The following TWNK variants were observed in gnomAD, a reference collection of about 807,000 sequenced individuals.
The protein encoded by TWNK is twinkle mtDNA helicase.
A neutral mutation model predicts 58.2 loss-of-function variants in TWNK; 36 were observed. The ratio of observed to expected loss-of-function variants is 0.62; its 90% confidence interval spans 0.47 to 0.82. The LOEUF (loss-of-function observed/expected upper bound fraction) is 0.82. Ranked by LOEUF, TWNK falls within the 40% of genes least tolerant of loss-of-function variation. The pLI, the probability that TWNK is intolerant of heterozygous loss-of-function variation, is 0.00. For missense variants in TWNK, 714 were observed against 881.0 expected, an observed-to-expected ratio of 0.81 and a Z score of 2.40; for synonymous variants, 349 against 348.5, an observed-to-expected ratio of 1.00 and a Z score of -0.02.
At position 100,988,590 on chromosome 10, in the gene TWNK, C is replaced by T. The variant is rs1327106595; in HGVS notation, c.380C>T (p.Ala127Val). The T allele has an allele frequency of 1.9e-6, 3 of 1,613,946 alleles. No individual in the cohort carries two copies. Among genetic ancestry groups the T allele is most frequent in the African/African-American group, 2.7e-5 (2 of 75,040 alleles). Residue 127 changes from alanine to valine, a missense_variant, in exon 1 of 5, where the codon GCC becomes GTC. By Grantham distance (64) the Ala-to-Val change is moderately conservative. Transcript: ENST00000311916. This position sits in a 1 kb window ranked among gnomAD's most constrained non-coding sequence, Gnocchi z 5.2. The stretch of plus-strand genomic sequence containing the variant: ...GAAGGGAGCTGGGAAGACTTCCAGG[C>T]CAGCGTGGAGGGGCGAGGGGATGGG... ...LAEGSWEDFQ[A>V]SVEGRGDGAR... is the part of the protein sequence containing the mutation.
chr10:100,991,143 G>A (rs1264852968), intron 4 of TWNK, 133 bp downstream of exon 4: 2 of 1,316,138 alleles, frequency 1.5e-6, no homozygotes, highest in East Asian at 4.8e-5. Context: ...CTGGGGCCAT[G>A]ACATGAGGAA....
In TWNK at chr10:100,989,487, G is replaced by A. The variant is rs1851706411; in HGVS notation, c.1243+34G>A. 1.1e-5 allele frequency: 18 copies of A among 1,612,110 alleles called. No individual in the cohort carries two copies. The highest frequency in any genetic ancestry group is 1.5e-5 in the Non-Finnish European group (18 of 1,179,894). On this transcript the variant is annotated intron_variant, in intron 1 of 4. Coordinates refer to ENST00000311916, the MANE Select transcript of TWNK (RefSeq NM_021830.5). The surrounding 1 kb of genome is among the most constrained non-coding windows in gnomAD (Gnocchi z 7.6). ...TTGAGAAATCACTACTTAGAGTAAA[G>A]GGGCAGAAGATCAGGTGACAAAAGC...
intron 4 of TWNK, among the ~76,000 whole-genome samples, chr10:100,992,135 TG>T (rs943406207): frequency 6.8e-6 from 1 of 147,500 alleles, no homozygotes; most frequent in Non-Finnish European, 1.5e-5. Context: ...CCTGGGAGGT[TG>T]AGACTGCAGT....
At position 100,989,757 on chromosome 10, in the gene TWNK, C is replaced by CTGT; in HGVS notation, c.1357_1358insTGT (p.Arg453delinsLeuTrp). 1 of 1,614,138 alleles carries CTGT rather than the reference C, an allele frequency of 6.2e-7. No homozygotes were observed. Among genetic ancestry groups the CTGT allele is most frequent in the Non-Finnish European group, 8.5e-7 (1 of 1,180,032 alleles). On this transcript the variant is annotated protein_altering_variant, in exon 2 of 5. Coordinates refer to ENST00000311916, the MANE Select transcript of TWNK (RefSeq NM_021830.5). This position sits in a 1 kb window ranked among gnomAD's most constrained non-coding sequence, Gnocchi z 7.6. Reference sequence around the variant, plus strand: ...CGAGATCAGCAATGTGAGACTAGCCCGGGTCATGCTGACACAGTTTGCCGA... The same window carrying CTGT: ...CGAGATCAGCAATGTGAGACTAGCCCTGTGGGTCATGCTGACACAGTTTGCCGA...
Position 100,989,786 on chromosome 10 carries a change from G to A in TWNK, c.1386G>A (p.Gly462=). ...TCATGCTGACACAGTTTGCCGAGGGGCGGCTGGAAGATCAACTGGACAAAT... is the reference window on the plus strand; with the variant it reads ...TCATGCTGACACAGTTTGCCGAGGGACGGCTGGAAGATCAACTGGACAAAT... ...ARVMLTQFAE[G]RLEDQLDKYD... Residue 462 remains glycine, a synonymous_variant, in exon 2 of 5, where the codon GGG becomes GGA. Coordinates refer to ENST00000311916, the MANE Select transcript of TWNK (RefSeq NM_021830.5). This position sits in a 1 kb window ranked among gnomAD's most constrained non-coding sequence, Gnocchi z 7.6. 3 of 1,614,214 alleles carry A rather than the reference G, an allele frequency of 1.9e-6. No individual in the cohort carries two copies. Among genetic ancestry groups the A allele is most frequent in the Non-Finnish European group, 2.5e-6 (3 of 1,180,050 alleles).
chr10:100,990,696 G>A (rs934414916), intron 3 of TWNK, 153 bp downstream of exon 3: 145 of 1,593,970 alleles, frequency 9.1e-5, no homozygotes, highest in Admixed American at 3.6e-4. Context: ...TCATATGGAG[G>A]TGTGGGGTAT....
In TWNK at chr10:100,990,876, G is replaced by T. The variant is rs747042999; in HGVS notation, c.1600G>T (p.Ala534Ser). The change falls in exon 4 of 5, where the codon GCT (alanine) becomes TCT (serine). Residue 534 changes from alanine to serine, a missense_variant. Ala to Ser is a moderately conservative substitution (Grantham distance 99). Transcript: ENST00000311916. ...GTTGTTGGGATGGCGTAGGATCGCA[G>T]CTCAAGACTACATCATCGGGGTCTT... ...HEQLSTDRIA[A>S]QDYIIGVFRK... The T allele has an allele frequency of 4.3e-6, 7 of 1,614,098 alleles. No homozygotes were observed. The highest frequency in any genetic ancestry group is 5.9e-6 in the Non-Finnish European group (7 of 1,180,050).
In TWNK at chr10:100,987,593, G is replaced by A; in HGVS notation, c.-618G>A. 8.3e-7 allele frequency: 1 copy of A among 1,208,978 alleles called. No individual in the cohort carries two copies. The highest frequency in any genetic ancestry group is 1.1e-6 in the Non-Finnish European group (1 of 890,006). The allele number at this position is 1,208,978 out of a possible 1,614,324, so 74.9% of individuals were successfully genotyped here. A position where few individuals can be genotyped will look rare whatever the true frequency, so the allele number is the denominator to read the frequency against. On this transcript the variant is annotated 5_prime_UTR_variant, in exon 1 of 5. Transcript: ENST00000311916. ...TGTGCGGGAGACTCACGTTGCCGGC[G>A]AAGTGGGAGAGAGAAAAGTGGTAAC...
chr10:100,993,567 ACT>A lies in TWNK; in HGVS notation c.*60_*61del, dbSNP rs1252533849. 7.6e-6 allele frequency: 12 copies of A among 1,576,404 alleles called. No individual in the cohort carries two copies. In the East Asian group the frequency reaches 9.1e-5, roughly 12 times the overall value. ...CTGATAGGATAGGCTGGAGCATAAA[ACT>A]CTGCAAGGGCTCCTCTATCCTGTGG... is the stretch of plus-strand genomic sequence containing the variant. On this transcript the variant is annotated 3_prime_UTR_variant, in exon 5 of 5. Transcript: ENST00000311916.
chr10:100,990,875 A>G lies in TWNK; in HGVS notation c.1599A>G (p.Ala533=), dbSNP rs766599091. The G allele has an allele frequency of 6.2e-7, 1 of 1,614,110 alleles. No homozygotes were observed. Among genetic ancestry groups the G allele is most frequent in the Admixed American group, 1.7e-5 (1 of 60,004 alleles). The change falls in exon 4 of 5, where the codon GCA becomes GCG. Residue 533 remains alanine, a synonymous_variant. Coordinates refer to ENST00000311916, the MANE Select transcript of TWNK (RefSeq NM_021830.5). ...GHEQLSTDRI[A]AQDYIIGVFR... ...TGTTGTTGGGATGGCGTAGGATCGC[A>G]GCTCAAGACTACATCATCGGGGTCT...
Position 100,988,909 on chromosome 10 carries a change from C to A in TWNK, c.699C>A (p.Tyr233Ter). ...AATGCCAGGGGGATGGAGTGAGCTA[C>A]GAGGAAACCACTATTCCCCGACCCA... ...EAKCQGDGVS[Y>*]EETTIPRPSA... is the part of the protein sequence containing the mutation. The change falls in exon 1 of 5, where the codon TAC becomes TAA. Residue 233 changes from tyrosine (Y) to a stop codon, truncating the protein, a stop_gained. Transcript: ENST00000311916. LOFTEE classifies it high-confidence loss of function. The surrounding 1 kb of genome is among the most constrained non-coding windows in gnomAD (Gnocchi z 5.2). 6.2e-7 allele frequency: 1 copy of A among 1,614,162 alleles called. No homozygotes were observed. Among genetic ancestry groups the A allele is most frequent in the Non-Finnish European group, 8.5e-7 (1 of 1,180,028 alleles).
Position 100,988,648 on chromosome 10 carries a change from A to G in TWNK, c.438A>G (p.Pro146=). 4 of 1,614,040 alleles carry G rather than the reference A, an allele frequency of 2.5e-6. No individual in the cohort carries two copies. The highest frequency in any genetic ancestry group is 3.4e-6 in the Non-Finnish European group (4 of 1,180,010). ...AREGFLLSKA[P]EFEDSEEVRR... is the part of the protein sequence containing the mutation. ...AGGGGTTTCTGCTTAGCAAGGCACC[A>G]GAATTTGAGGACAGCGAGGAGGTCC... The change falls in exon 1 of 5, where the codon CCA becomes CCG. Residue 146 remains proline (P), a synonymous_variant. Coordinates refer to ENST00000311916, the MANE Select transcript of TWNK (RefSeq NM_021830.5). The surrounding 1 kb of genome is among the most constrained non-coding windows in gnomAD (Gnocchi z 5.2).
rs1192854820 is a variant in TWNK at position 100,988,161 on chromosome 10, AC to A, written c.-48del. 3.7e-6 allele frequency: 6 copies of A among 1,608,196 alleles called. No homozygotes were observed. The highest frequency in any genetic ancestry group is 8.5e-7 in the Non-Finnish European group (1 of 1,176,178). Reference sequence around the variant, plus strand: ...AGTTTGGTCTAGTGAAGGCACGCTAACCAGGCACCTAAGGCATTTCAAGTAG... The same window carrying A: ...AGTTTGGTCTAGTGAAGGCACGCTAACAGGCACCTAAGGCATTTCAAGTAG... On this transcript the variant is annotated 5_prime_UTR_variant, in exon 1 of 5. Transcript: ENST00000311916. The surrounding 1 kb of genome is among the most constrained non-coding windows in gnomAD (Gnocchi z 5.2).
Position 100,989,614 on chromosome 10 carries a change from C to T in TWNK, c.1244-30C>T. ...TTGGTTTCAAGGGTAGGACTTCCTC[C>T]TCACCCAGGTCTGTTCCACCCCACT... On this transcript the variant is annotated intron_variant, in intron 1 of 4. Transcript: ENST00000311916. This position sits in a 1 kb window ranked among gnomAD's most constrained non-coding sequence, Gnocchi z 7.6. 1 of 1,613,656 alleles carries T rather than the reference C, an allele frequency of 6.2e-7. No homozygotes were observed. The highest frequency in any genetic ancestry group is 8.5e-7 in the Non-Finnish European group (1 of 1,180,022).
chr10:100,992,276 C>T lies in TWNK; in HGVS notation c.1735-914C>T, dbSNP rs564478263. 6.7e-3 allele frequency among the ~76,000 whole-genome samples: 847 copies of T among 126,704 alleles called. 14 individuals carry two copies. The highest frequency in any genetic ancestry group is 8.1e-3 in the Admixed American group (90 of 11,142). 83.1% of individuals were successfully genotyped at this position (126,704 alleles called of 152,430 possible). A position where few individuals can be genotyped will look rare whatever the true frequency, so the allele number is the denominator to read the frequency against. Reference sequence around the variant, plus strand: ...TCACCCAGGCTGGAGTGCAGTGGCGCGATCTCGGCTCACTGCAAGCTCCAC... The same window carrying T: ...TCACCCAGGCTGGAGTGCAGTGGCGTGATCTCGGCTCACTGCAAGCTCCAC... On this transcript the variant is annotated intron_variant, in intron 4 of 4. Transcript: ENST00000311916.
chr10:100,993,130 T>A, intron 4 of TWNK, 60 bp from the exon 5 acceptor site: 6 of 1,568,774 alleles, frequency 3.8e-6, no homozygotes, highest in Non-Finnish European at 5.3e-6. Context: ...TCAGCCCCCC[T>A]TTCTGCTTTG....
chr10:100,988,834 G>C lies in TWNK; in HGVS notation c.624G>C (p.Trp208Cys), dbSNP rs1237595030. Residue 208 changes from tryptophan to cysteine, a missense_variant, in exon 1 of 5, where the codon TGG becomes TGC. Trp to Cys is a radical substitution (Grantham distance 215). Coordinates refer to ENST00000311916, the MANE Select transcript of TWNK (RefSeq NM_021830.5). This position sits in a 1 kb window ranked among gnomAD's most constrained non-coding sequence, Gnocchi z 5.2. ...LRPARSLVFP[W>C]FSPGGSGLRG... Reference sequence around the variant, plus strand: ...CTGCTCGCAGTCTTGTCTTCCCTTGGTTCTCCCCTGGGGGCTCAGGATTAC... The same window carrying C: ...CTGCTCGCAGTCTTGTCTTCCCTTGCTTCTCCCCTGGGGGCTCAGGATTAC... 1 of 1,614,198 alleles carries C rather than the reference G, an allele frequency of 6.2e-7. No individual in the cohort carries two copies. The highest frequency in any genetic ancestry group is 2.2e-5 in the East Asian group (1 of 44,886).
rs374997012 is a variant in TWNK at position 100,989,114 on chromosome 10, C to T, written c.904C>T (p.Arg302Trp). 1.1e-5 allele frequency: 18 copies of T among 1,612,236 alleles called. No homozygotes were observed. Among genetic ancestry groups the T allele is most frequent in the African/African-American group, 2.7e-5 (2 of 74,866 alleles). ...CTTACTCCCTTACCTGGAACAGTTCCGGCGGATTGTATTCTGGTTGGGGGA... is the reference window on the plus strand; with the variant it reads ...CTTACTCCCTTACCTGGAACAGTTCTGGCGGATTGTATTCTGGTTGGGGGA... ...PALLPYLEQF[R>W]RIVFWLGDDL... is the part of the protein sequence containing the mutation. The change falls in exon 1 of 5, where the codon CGG becomes TGG. Residue 302 changes from arginine to tryptophan, a missense_variant. By Grantham distance (101) the Arg-to-Trp change is moderately radical. Coordinates refer to ENST00000311916, the MANE Select transcript of TWNK (RefSeq NM_021830.5). The surrounding 1 kb of genome is among the most constrained non-coding windows in gnomAD (Gnocchi z 7.6).
rs766235365 is a variant in TWNK, at chr10:100,989,610, C to T, written c.1244-34C>T. ...TGTCTTGGTTTCAAGGGTAGGACTT[C>T]CTCCTCACCCAGGTCTGTTCCACCC... On this transcript the variant is annotated intron_variant, in intron 1 of 4. Transcript: ENST00000311916. This position sits in a 1 kb window ranked among gnomAD's most constrained non-coding sequence, Gnocchi z 7.6. 6.2e-7 allele frequency: 1 copy of T among 1,613,560 alleles called. No homozygotes were observed. Among genetic ancestry groups the T allele is most frequent in the Non-Finnish European group, 8.5e-7 (1 of 1,180,028 alleles).
Sources: gnomAD v4.1 joint callset for allele counts (sites outside exome capture counted in the v4.1 genomes callset) on GRCh38, gnomAD v4.1.1 for gene constraint, Gnocchi (gnomAD v3.1) non-coding constraint, MANE v1.5 for transcripts, NCBI Gene and HGNC (gene_info 2026-07-23, HGNC 2026-07-21) for gene names.